Variants in ARMC3 observed in about 807,000 individuals in gnomAD.
ARMC3 encodes the protein armadillo repeat-containing protein 3.
Under a neutral mutation model 90.3 loss-of-function variants are expected in ARMC3, and 74 were observed. The ratio of observed to expected loss-of-function variants is 0.82; its 90% CI spans 0.68 to 0.99. The LOEUF (loss-of-function observed/expected upper bound fraction) is 0.99, where lower values mean the gene tolerates loss of function less well. Ranked by LOEUF, ARMC3 falls within the 50% of genes least tolerant of loss-of-function variation. The pLI is 0.00. For synonymous variants in ARMC3, 334 were observed against 361.8 expected (o/e 0.92, Z 0.87); for missense variants, 958 against 1,042.8 (o/e 0.92, Z 1.12).
chr10:22,988,730 C>T (rs1407035649), intron 10 of ARMC3, among the ~76,000 whole-genome samples: 1 of 152,186 alleles, frequency 6.6e-6, no homozygotes, highest in African/African-American at 2.4e-5. Context: ...AATGGCTAGA[C>T]ATGTGTCCCA....
chr10:22,968,702 G>A (rs1835551772), intron 8 of ARMC3, among the ~76,000 whole-genome samples: 1 of 151,984 alleles, frequency 6.6e-6, no homozygotes, highest in Admixed American at 6.6e-5. Context: ...GGGTTTTGCT[G>A]TGTTGCCCAG....
chr10:22,933,617 C>T (rs1057383539), intron 2 of ARMC3, among the ~76,000 whole-genome samples: 4 of 152,136 alleles, frequency 2.6e-5, no homozygotes, highest in African/African-American at 9.7e-5. Context: ...GGGACTTCTA[C>T]TCTGACTATA....
intron 3 of ARMC3, among the ~76,000 whole-genome samples, chr10:22,951,273 C>A (rs975917011): frequency 9.2e-5 from 14 of 152,118 alleles, no homozygotes; most frequent in Admixed American, 7.2e-4. Context: ...AATATGAGAT[C>A]TTCAAAATAC....
At chr10:23,001,147 G>A (rs904461785) in intron 11 of ARMC3, among the ~76,000 whole-genome samples, 3 of 152,176 alleles carry the variant, frequency 2.0e-5, no homozygotes, top group Non-Finnish European at 4.4e-5. Flanking sequence ...TGACATGGGG[G>A]GGTCCTTGCT....
At chr10:22,933,778 G>C (rs565897040) in intron 2 of ARMC3, among the ~76,000 whole-genome samples, 1 of 152,238 alleles carries the variant, frequency 6.6e-6, no homozygotes, top group East Asian at 1.9e-4. Context: ...CCAGCTACTC[G>C]GGAGGCTGAA....
intron 1 of ARMC3, among the ~76,000 whole-genome samples, chr10:22,929,261 A>AGAGAGG (rs1346281966): frequency 2.0e-5 from 3 of 150,336 alleles, no homozygotes; most frequent in Non-Finnish European, 4.4e-5. Context: ...GAAGAGAGAG[A>AGAGAGG]GAGAGGGAGA....
chr10:22,971,184 A>G (rs1235995682), intron 8 of ARMC3, among the ~76,000 whole-genome samples: 1 of 152,160 alleles, frequency 6.6e-6, no homozygotes, highest in Non-Finnish European at 1.5e-5. Flanking sequence ...GATGTCCTTA[A>G]GTTTCATTCA....
intron 10 of ARMC3, among the ~76,000 whole-genome samples, chr10:22,988,296 A>T (rs981477582): frequency 1.3e-5 from 2 of 152,214 alleles, no homozygotes; most frequent in African/African-American, 2.4e-5. Flanking sequence ...TTTCAAGAAA[A>T]GTCAATACTT....
chr10:22,968,212 G>T, intron 7 of ARMC3, 94 bp from the exon 8 acceptor site: 1 of 1,152,106 alleles, frequency 8.7e-7, no homozygotes, highest in Middle Eastern at 2.1e-4. Context: ...TCATGACATT[G>T]TGTTCTGACT....
At chr10:23,015,840 T>C (rs11013243) in intron 16 of ARMC3, among the ~76,000 whole-genome samples, 3,352 of 152,314 alleles carry the variant, frequency 0.022, 124 homozygotes, top group African/African-American at 0.076. Flanking sequence ...AAACACCTTC[T>C]TACCTTCTTT....
In ARMC3 at chr10:22,959,585, T is replaced by C. The variant is rs776001986; in HGVS notation, c.537+11T>C. ...TACAACTTGGTGCAGGTAAGATTAATTTCTAAAAAGCGTTCTGATGAAAGC... is the reference window on the plus strand; with the variant it reads ...TACAACTTGGTGCAGGTAAGATTAACTTCTAAAAAGCGTTCTGATGAAAGC... On this transcript the variant is annotated intron_variant, in intron 6 of 18. Transcript: ENST00000298032. 1 of 1,573,512 alleles carries C rather than the reference T, an allele frequency of 6.4e-7. No homozygotes were observed. Among genetic ancestry groups the C allele is most frequent in the South Asian group, 1.2e-5 (1 of 84,154 alleles).
At chr10:23,015,267 C>T (rs997959024) in intron 16 of ARMC3, among the ~76,000 whole-genome samples, 3 of 152,182 alleles carry the variant, frequency 2.0e-5, no homozygotes, top group Non-Finnish European at 4.4e-5. Context: ...GTTTCGAAGG[C>T]TTTAGTTGTA....
intron 12 of ARMC3, 105 bp from the exon 13 acceptor site, chr10:23,003,141 C>A: frequency 9.7e-7 from 1 of 1,026,014 alleles, no homozygotes; most frequent in Non-Finnish European, 1.4e-6. Context: ...AGGCTTTAAG[C>A]TCCATCTCCA....
At position 23,033,377 on chromosome 10, in the gene ARMC3, C is replaced by T. The variant is rs544594328; in HGVS notation, c.2409+354C>T. ...TCAAGGGGTACCTAAACCAGACTTG[C>T]AGCTTCCAAAGTGAAGTCAGGGAAA... is the stretch of plus-strand genomic sequence containing the variant. On this transcript the variant is annotated intron_variant, in intron 18 of 18. Coordinates refer to ENST00000298032, the MANE Select transcript of ARMC3 (RefSeq NM_173081.5). Among the ~76,000 whole-genome samples, 6 of 152,286 alleles carry T rather than the reference C, an allele frequency of 3.9e-5. No individual in the cohort carries two copies. The South Asian group carries it at 1.2e-3, about 32-fold the overall frequency.
chr10:22,929,703 G>A (rs1037587470), intron 1 of ARMC3, among the ~76,000 whole-genome samples: 5 of 152,050 alleles, frequency 3.3e-5, no homozygotes, highest in Admixed American at 2.6e-4. Flanking sequence ...ACATGCCACC[G>A]CCACTCCAGG....
chr10:22,988,802 A>G (rs1836573483), intron 10 of ARMC3, among the ~76,000 whole-genome samples: 1 of 152,224 alleles, frequency 6.6e-6, no homozygotes, highest in Non-Finnish European at 1.5e-5. Context: ...GGCCAGTTAC[A>G]CAGACCCACT....
intron 3 of ARMC3, among the ~76,000 whole-genome samples, chr10:22,949,753 A>G (rs974946463): frequency 1.3e-5 from 2 of 152,174 alleles, no homozygotes; most frequent in African/African-American, 4.8e-5. Flanking sequence ...GGATCCAAAA[A>G]AGTTTGTCAA....
At chr10:23,023,007 G>T (rs186160838) in intron 16 of ARMC3, among the ~76,000 whole-genome samples, 16 of 152,158 alleles carry the variant, frequency 1.1e-4, no homozygotes, top group Admixed American at 8.5e-4. Context: ...CCATGGCATT[G>T]AGGCTACCTT....
At position 23,004,885 on chromosome 10, in the gene ARMC3, G is replaced by T. The variant is rs560040040; in HGVS notation, c.1731+1471G>T. Among the ~76,000 whole-genome samples, 9 of 152,244 alleles carry T rather than the reference G, an allele frequency of 5.9e-5. No individual in the cohort carries two copies. The South Asian group carries it at 1.2e-3, about 21-fold the overall frequency. On this transcript the variant is annotated intron_variant, in intron 13 of 18. Coordinates refer to ENST00000298032, the MANE Select transcript of ARMC3 (RefSeq NM_173081.5). ...TCTCCTTCAATTATGATAATTTAAA[G>T]AGAATGTTGCAGCATCAGGACAAAG...
Sources: gnomAD v4.1 joint callset for allele counts (sites outside exome capture counted in the v4.1 genomes callset) on GRCh38, gnomAD v4.1.1 for gene constraint, MANE v1.5 for transcripts, NCBI Gene and HGNC (gene_info 2026-07-23, HGNC 2026-07-21) for gene names.